Variants in SCRG1 observed in about 807,000 individuals in gnomAD.
The protein encoded by SCRG1 is scrapie-responsive protein 1.
SCRG1 carries 3 observed loss-of-function variants against 7.7 expected under a neutral mutation model. That is an observed-to-expected ratio of 0.39 (90% CI 0.18 to 1.01). The LOEUF (loss-of-function observed/expected upper bound fraction) is 1.01, where lower values mean the gene tolerates loss of function less well. Ranked by LOEUF, SCRG1 falls within the 50% of genes least tolerant of loss-of-function variation. The pLI, the probability that SCRG1 is intolerant of heterozygous loss-of-function variation, is 0.36. For synonymous variants in SCRG1, 46 were observed against 41.2 expected (o/e 1.12, Z -0.44); for missense variants, 110 against 117.2 (o/e 0.94, Z 0.28).
chr4:173,514,835 A>G, the SCRG1 span, among the ~76,000 whole-genome samples: 1 of 152,218 alleles, frequency 6.6e-6, no homozygotes, highest in South Asian at 2.1e-4. Flanking sequence ...AGCCACTCTT[A>G]CAGTGAAGTT....
At chr4:173,508,851 G>A in the SCRG1 span, among the ~76,000 whole-genome samples, 4 of 152,156 alleles carry the variant, frequency 2.6e-5, no homozygotes, top group African/African-American at 9.7e-5. The surrounding 1 kb of genome is among the most constrained non-coding windows in gnomAD (Gnocchi z 4.4). Context: ...GGGAATGCCT[G>A]CTCTTGGGAT....
At chr4:173,502,156 C>T in the SCRG1 span, among the ~76,000 whole-genome samples, 1 of 152,024 alleles carries the variant, frequency 6.6e-6, no homozygotes, top group Non-Finnish European at 1.5e-5. The surrounding 1 kb of genome is among the most constrained non-coding windows in gnomAD (Gnocchi z 4.6). Context: ...CTTTTTCTGA[C>T]CCTTCCTCAA....
chr4:173,484,683 T>TATATTATATATTATATGCATATTAC, the SCRG1 span, among the ~76,000 whole-genome samples: 1 of 50,066 alleles, frequency 2.0e-5, no homozygotes, highest in African/African-American at 6.8e-5. Context: ...ATGTATAATA[T>TATATTATATATTATATGCATATTAC]ATATTATATA....
chr4:173,450,174 C>A, the SCRG1 span, among the ~76,000 whole-genome samples: 8 of 152,258 alleles, frequency 5.3e-5, no homozygotes, highest in Admixed American at 1.3e-4. Flanking sequence ...AGAAAGCAAG[C>A]ACAGGGGAAA....
chr4:173,512,008 A>G, the SCRG1 span, among the ~76,000 whole-genome samples: 1 of 152,248 alleles, frequency 6.6e-6, no homozygotes, highest in East Asian at 1.9e-4. Flanking sequence ...AATCCTCATC[A>G]GAACACAAGC....
chr4:173,439,160 C>G, the SCRG1 span, among the ~76,000 whole-genome samples: 2 of 152,280 alleles, frequency 1.3e-5, no homozygotes, highest in East Asian at 1.9e-4. Context: ...ATGGAAGGAA[C>G]CTGGGTCCCA....
chr4:173,513,757 T>C, the SCRG1 span, among the ~76,000 whole-genome samples: 1 of 152,192 alleles, frequency 6.6e-6, no homozygotes, highest in Admixed American at 6.5e-5. Context: ...CAGATAAAAC[T>C]GGAGCAACCT....
chr4:173,512,519 C>A, the SCRG1 span, among the ~76,000 whole-genome samples: 11 of 152,338 alleles, frequency 7.2e-5, no homozygotes, highest in East Asian at 2.1e-3. Flanking sequence ...TTGCTATATT[C>A]CATCTAGAAG....
At chr4:173,422,402 AG>A in the SCRG1 span, among the ~76,000 whole-genome samples, 1 of 152,210 alleles carries the variant, frequency 6.6e-6, no homozygotes, top group African/African-American at 2.4e-5. Context: ...AAAATTAATT[AG>A]GTCCCTAATT....
the SCRG1 span, among the ~76,000 whole-genome samples, chr4:173,471,468 A>G: frequency 6.6e-6 from 1 of 152,186 alleles, no homozygotes; most frequent in African/African-American, 2.4e-5. Context: ...AATTGGAATA[A>G]TCTTGTCTTA....
the SCRG1 span, among the ~76,000 whole-genome samples, chr4:173,458,512 T>C: frequency 1.3e-5 from 2 of 152,138 alleles, no homozygotes; most frequent in African/African-American, 4.8e-5. Context: ...TTACAGGAAA[T>C]GCTCAAAGGA....
chr4:173,428,645 G>A, the SCRG1 span, among the ~76,000 whole-genome samples: 2 of 152,134 alleles, frequency 1.3e-5, no homozygotes, highest in African/African-American at 4.8e-5. Context: ...TAGGGCCAGA[G>A]GAAATACATT....
chr4:173,517,306 A>G, the SCRG1 span, among the ~76,000 whole-genome samples: 1 of 152,268 alleles, frequency 6.6e-6, no homozygotes, highest in Non-Finnish European at 1.5e-5. Flanking sequence ...TGTGGGTACA[A>G]GAAAAAAAAT....
the SCRG1 span, among the ~76,000 whole-genome samples, chr4:173,455,193 G>A: frequency 5.3e-5 from 8 of 151,860 alleles, no homozygotes; most frequent in Non-Finnish European, 1.2e-4. Flanking sequence ...CACCATGTAA[G>A]CAAACCCCTA....
chr4:173,418,964 C>T, the SCRG1 span, among the ~76,000 whole-genome samples: 2 of 152,180 alleles, frequency 1.3e-5, no homozygotes, highest in Non-Finnish European at 2.9e-5. Flanking sequence ...AACCTCTTTT[C>T]TTAATAAATT....
chr4:173,410,364 G>A (rs1740012890), upstream of SCRG1, among the ~76,000 whole-genome samples: 1 of 152,250 alleles, frequency 6.6e-6, no homozygotes. Flanking sequence ...CCTGCTGCCT[G>A]TGCAGTGTTC....
At chr4:173,498,332 C>G in the SCRG1 span, among the ~76,000 whole-genome samples, 1 of 152,136 alleles carries the variant, frequency 6.6e-6, no homozygotes, top group African/African-American at 2.4e-5. Flanking sequence ...GCCCAGATAT[C>G]CCTGGTCTGA....
the SCRG1 span, among the ~76,000 whole-genome samples, chr4:173,483,196 ATAT>A: frequency 9.7e-6 from 1 of 102,576 alleles, no homozygotes; most frequent in East Asian, 2.8e-4. Flanking sequence ...TATATGATAT[ATAT>A]TATATGATAT....
chr4:173,507,014 G>T, the SCRG1 span, among the ~76,000 whole-genome samples: 1 of 152,190 alleles, frequency 6.6e-6, no homozygotes, highest in South Asian at 2.1e-4. The surrounding 1 kb of genome is among the most constrained non-coding windows in gnomAD (Gnocchi z 4.4). Flanking sequence ...AGCAGCCCCG[G>T]AGCTCTCAGA....
Sources: gnomAD v4.1 joint callset for allele counts (sites outside exome capture counted in the v4.1 genomes callset) on GRCh38, gnomAD v4.1.1 for gene constraint, Gnocchi (gnomAD v3.1) non-coding constraint, MANE v1.5 for transcripts, NCBI Gene and HGNC (gene_info 2026-07-23, HGNC 2026-07-21) for gene names.